CHN1: variants seen among roughly 807,000 people sequenced by gnomAD.
CHN1 encodes the protein N-chimaerin.
In CHN1, 37 loss-of-function variants were observed where a neutral mutation model predicts 59.5. The ratio of observed to expected loss-of-function variants is 0.62; its 90% CI spans 0.48 to 0.82. The LOEUF is 0.82. Ranked by LOEUF, CHN1 falls within the 40% of genes least tolerant of loss-of-function variation. The pLI is 0.00. For synonymous variants in CHN1, 206 were observed against 200.4 expected (o/e 1.03, Z -0.24); for missense variants, 469 against 571.0 (o/e 0.82, Z 1.82).
At chr2:174,807,452 G>C (rs1684926675) in intron 11 of CHN1, among the ~76,000 whole-genome samples, 2 of 47,920 alleles carry the variant, frequency 4.2e-5, no homozygotes, top group African/African-American at 1.0e-4. Context: ...CTATCTGTGT[G>C]TGTGTGTGTG....
chr2:174,861,263 C>CAT (rs1687060390), intron 6 of CHN1, among the ~76,000 whole-genome samples: 1 of 152,096 alleles, frequency 6.6e-6, no homozygotes, highest in African/African-American at 2.4e-5. Flanking sequence ...ATGGAATATA[C>CAT]ATAAGGCATA....
At chr2:174,965,396 T>A (rs1200744348) in intron 1 of CHN1, among the ~76,000 whole-genome samples, 1 of 152,144 alleles carries the variant, frequency 6.6e-6, no homozygotes, top group Admixed American at 6.6e-5. Context: ...TGCTTAACGT[T>A]TTACAAGTTA....
chr2:174,918,624 C>T lies in CHN1; in HGVS notation c.115-59G>A. 1.4e-6 allele frequency: 2 copies of T among 1,382,486 alleles called. 1 individual carries two copies. The highest frequency in any genetic ancestry group is 2.6e-5 in the South Asian group (2 of 76,092). 85.6% of individuals were successfully genotyped at this position (1,382,486 alleles called of 1,614,324 possible). On this transcript the variant is annotated intron_variant, in intron 3 of 12. Coordinates refer to ENST00000409900, the MANE Select transcript of CHN1 (RefSeq NM_001822.7). Reference sequence around the variant, plus strand: ...AAAAATGCAAATGTGCAGAACATAACTCAACATTTTGTGCATGTGACAAAG... The same window carrying T: ...AAAAATGCAAATGTGCAGAACATAATTCAACATTTTGTGCATGTGACAAAG...
chr2:174,951,136 A>C (rs1008397555), intron 2 of CHN1, among the ~76,000 whole-genome samples: 2 of 152,232 alleles, frequency 1.3e-5, no homozygotes, highest in African/African-American at 2.4e-5. Context: ...AATCTTTAGG[A>C]GGTAAAGAAT....
At chr2:175,000,838 G>T (rs1184741155) in intron 1 of CHN1, among the ~76,000 whole-genome samples, 1 of 152,124 alleles carries the variant, frequency 6.6e-6, no homozygotes, top group Non-Finnish European at 1.5e-5. Flanking sequence ...TCCAGCCTAG[G>T]CCCCCCAAAG....
chr2:174,947,486 A>T (rs1193060934), intron 2 of CHN1, among the ~76,000 whole-genome samples: 25 of 142,556 alleles, frequency 1.8e-4, no homozygotes, highest in South Asian at 4.4e-4. Flanking sequence ...TTTTTTTTTT[A>T]ATTTTTTTTT....
chr2:174,958,198 A>C (rs1449000725), intron 1 of CHN1, among the ~76,000 whole-genome samples: 1 of 151,858 alleles, frequency 6.6e-6, no homozygotes, highest in Non-Finnish European at 1.5e-5. Flanking sequence ...GAGGGTGGGC[A>C]TGTGTCCTGA....
In CHN1 at chr2:175,005,308, A is replaced by G. The variant is rs1692033884; in HGVS notation, c.-396T>C. On this transcript the variant is annotated 5_prime_UTR_variant, in exon 1 of 13. Coordinates refer to ENST00000409900, the MANE Select transcript of CHN1 (RefSeq NM_001822.7). Reference sequence around the variant, plus strand: ...ACGGGGAGAGCAGCAGCAGCCTCGCACAGCCCCCGGCGGGGCGCGCTCACT... The same window carrying G: ...ACGGGGAGAGCAGCAGCAGCCTCGCGCAGCCCCCGGCGGGGCGCGCTCACT... 3.4e-6 allele frequency: 4 copies of G among 1,192,478 alleles called. No homozygotes were observed. Among genetic ancestry groups the G allele is most frequent in the Non-Finnish European group, 3.2e-6 (3 of 944,726 alleles). The allele number at this position is 1,192,478 out of a possible 1,614,324, so 73.9% of individuals were successfully genotyped here.
chr2:174,802,087 C>A, intron 11 of CHN1: 2 of 314,964 alleles, frequency 6.3e-6, no homozygotes, highest in Non-Finnish European at 1.2e-5. Flanking sequence ...TGACAACTTT[C>A]GAAATTGGAC....
intron 5 of CHN1, among the ~76,000 whole-genome samples, chr2:174,889,341 A>T (rs1376300215): frequency 6.6e-6 from 1 of 152,224 alleles, no homozygotes; most frequent in Non-Finnish European, 1.5e-5. Context: ...ACAAGGAAAT[A>T]GCACAATCAA....
chr2:174,887,869 A>G (rs1266643424), intron 5 of CHN1, among the ~76,000 whole-genome samples: 2 of 152,212 alleles, frequency 1.3e-5, no homozygotes, highest in Non-Finnish European at 2.9e-5. Flanking sequence ...TATTCAATGC[A>G]ATTCTACTAA....
At chr2:174,980,261 C>A (rs949340881) in intron 1 of CHN1, among the ~76,000 whole-genome samples, 1 of 152,114 alleles carries the variant, frequency 6.6e-6, no homozygotes, top group East Asian at 1.9e-4. Context: ...ACTCTAGAAA[C>A]CAATGTTTGG....
At chr2:174,824,579 T>G in intron 7 of CHN1, 61 bp from the exon 8 acceptor site, 1 of 988,110 alleles carries the variant, frequency 1.0e-6, no homozygotes, top group South Asian at 1.4e-5. Flanking sequence ...AGAAGACTGC[T>G]TCATATCAAA....
At chr2:174,888,354 G>A (rs1422714713) in intron 5 of CHN1, among the ~76,000 whole-genome samples, 1 of 152,146 alleles carries the variant, frequency 6.6e-6, no homozygotes, top group Non-Finnish European at 1.5e-5. Flanking sequence ...AAGAGCAGAT[G>A]GGGAACAAGA....
In CHN1 at chr2:174,893,114, T is replaced by C. The variant is rs753658302; in HGVS notation, c.261-14986A>G. Among the ~76,000 whole-genome samples the C allele has an allele frequency of 1.2e-4, 19 of 152,292 alleles. No homozygotes were observed. The Middle Eastern group carries it at 0.014, about 109-fold the overall frequency. ...TGTTCAACCTAGTACTGGAAGTTCT[T>C]GGCAGAGCAATTAGGCAAGAAAAAG... On this transcript the variant is annotated intron_variant, in intron 5 of 12. Coordinates refer to ENST00000409900, the MANE Select transcript of CHN1 (RefSeq NM_001822.7).
chr2:174,947,315 T>C (rs1433865723), intron 2 of CHN1, among the ~76,000 whole-genome samples: 2 of 152,180 alleles, frequency 1.3e-5, no homozygotes, highest in African/African-American at 4.8e-5. Context: ...TAGTATTTTC[T>C]TAACATTAAG....
At chr2:174,878,498 T>C (rs777568105) in intron 5 of CHN1, among the ~76,000 whole-genome samples, 1 of 152,252 alleles carries the variant, frequency 6.6e-6, no homozygotes, top group Non-Finnish European at 1.5e-5. Context: ...GACATTTCTA[T>C]ACTAACATTT....
chr2:174,914,088 T>C (rs1332884966), intron 5 of CHN1, among the ~76,000 whole-genome samples: 1 of 152,218 alleles, frequency 6.6e-6, no homozygotes, highest in African/African-American at 2.4e-5. Context: ...AGTTATTAAA[T>C]GTGTGACCTT....
intron 7 of CHN1, among the ~76,000 whole-genome samples, chr2:174,829,101 A>C (rs1234895100): frequency 6.6e-6 from 1 of 152,230 alleles, no homozygotes; most frequent in Admixed American, 6.5e-5. Context: ...GGCAAAACGA[A>C]CTAGTTTCAA....
Sources: gnomAD v4.1 joint callset for allele counts (sites outside exome capture counted in the v4.1 genomes callset) on GRCh38, gnomAD v4.1.1 for gene constraint, MANE v1.5 for transcripts, NCBI Gene and HGNC (gene_info 2026-07-23, HGNC 2026-07-21) for gene names.